Variants in GRAMD2B observed in about 807,000 individuals in gnomAD.
The protein encoded by GRAMD2B is GRAM domain containing 2B, also known as GRAM domain-containing protein 2B.
Under a neutral mutation model 59.2 loss-of-function variants are expected in GRAMD2B, and 41 were observed. The ratio of observed to expected loss-of-function variants is 0.69; its 90% CI spans 0.54 to 0.90. The LOEUF (loss-of-function observed/expected upper bound fraction) is 0.90. GRAMD2B is among the 40% of genes least tolerant of loss of function. The pLI is 0.00. For missense variants in GRAMD2B, 424 were observed against 500.5 expected (o/e 0.85, Z 1.46); for synonymous variants, 161 against 182.7 (o/e 0.88, Z 0.96).
chr5:126,442,352 G>T (rs1250926488), intron 1 of GRAMD2B, among the ~76,000 whole-genome samples: 1 of 148,976 alleles, frequency 6.7e-6, no homozygotes, highest in Non-Finnish European at 1.5e-5. Context: ...GTGTAATGGT[G>T]TGATGTGGGC....
At chr5:126,439,551 C>T (rs1031733346) in intron 1 of GRAMD2B, among the ~76,000 whole-genome samples, 3 of 152,044 alleles carry the variant, frequency 2.0e-5, no homozygotes, top group African/African-American at 7.2e-5. Flanking sequence ...ATCTTGAACT[C>T]CTGACCTCAA....
At chr5:126,464,415 C>G (rs887774716) in intron 1 of GRAMD2B, among the ~76,000 whole-genome samples, 1 of 152,118 alleles carries the variant, frequency 6.6e-6, no homozygotes, top group African/African-American at 2.4e-5. Context: ...ATTTTGTATT[C>G]TTCCTTCAAC....
Position 126,473,256 on chromosome 5 carries a change from T to C in GRAMD2B, c.383-9T>C. Reference sequence around the variant, plus strand: ...CTAAATGATGCTGTGCCTGTGTATATTTTCCCAGGCTTTACCTGTGCTCTA... The same window carrying C: ...CTAAATGATGCTGTGCCTGTGTATACTTTCCCAGGCTTTACCTGTGCTCTA... On this transcript the variant is annotated splice_polypyrimidine_tract_variant and intron_variant, in intron 4 of 13. Coordinates refer to ENST00000285689, the MANE Select transcript of GRAMD2B (RefSeq NM_023927.4). The C allele has an allele frequency of 8.6e-7, 1 of 1,164,558 alleles. No homozygotes were observed. The allele number at this position is 1,164,558 out of a possible 1,614,324, so 72.1% of individuals were successfully genotyped here.
At chr5:126,363,229 C>G (rs1561450006) in intron 1 of GRAMD2B, among the ~76,000 whole-genome samples, 1 of 152,020 alleles carries the variant, frequency 6.6e-6, no homozygotes, top group Non-Finnish European at 1.5e-5. Context: ...TGCTCAGCAT[C>G]ATTAGTCATT....
intron 1 of GRAMD2B, among the ~76,000 whole-genome samples, chr5:126,389,878 G>A (rs1175479521): frequency 6.6e-6 from 1 of 152,106 alleles, no homozygotes; most frequent in African/African-American, 2.4e-5. Flanking sequence ...AACCTGGGAG[G>A]TGGAGGTTGC....
At chr5:126,443,782 G>A (rs1763690583) in intron 1 of GRAMD2B, among the ~76,000 whole-genome samples, 1 of 152,218 alleles carries the variant, frequency 6.6e-6, no homozygotes, top group African/African-American at 2.4e-5. Flanking sequence ...GGGTGCTGTG[G>A]GTCATGCCTG....
Position 126,481,203 on chromosome 5 carries a change from A to AAAAGAAAG in GRAMD2B, c.735+536_735+543dup, listed in dbSNP as rs199869481. On this transcript the variant is annotated intron_variant, in intron 8 of 13. Transcript: ENST00000285689. ...TCAGAATTAACTGTAAAAAAAAAAAAAAAGAAAGAAAGAAAGAAAGAAAGA... is the reference window on the plus strand; with the variant it reads ...TCAGAATTAACTGTAAAAAAAAAAAAAAAGAAAGAAAGAAAGAAAGAAAGAAAGAAAGA... 8.6e-3 allele frequency among the ~76,000 whole-genome samples: 689 copies of AAAAGAAAG among 80,056 alleles called. 10 individuals are homozygous for AAAAGAAAG. The highest frequency in any genetic ancestry group is 0.038 in the African/African-American group (619 of 16,296). 52.5% of individuals were successfully genotyped at this position (80,056 alleles called of 152,430 possible). A position where few individuals can be genotyped will look rare whatever the true frequency, so the allele number is the denominator to read the frequency against.
intron 1 of GRAMD2B, among the ~76,000 whole-genome samples, chr5:126,393,174 C>T (rs1336140176): frequency 6.6e-6 from 1 of 152,108 alleles, no homozygotes; most frequent in Non-Finnish European, 1.5e-5. Flanking sequence ...TCAGCTTCAT[C>T]CCCTTCACTT....
At chr5:126,370,234 A>C (rs1414576170), upstream of GRAMD2B, among the ~76,000 whole-genome samples, 3 of 152,226 alleles carry the variant, frequency 2.0e-5, no homozygotes, top group African/African-American at 7.2e-5. Flanking sequence ...GACTCACTTC[A>C]AAAGTGTTCT....
chr5:126,401,059 G>A (rs773870188), intron 1 of GRAMD2B, among the ~76,000 whole-genome samples: 9 of 151,948 alleles, frequency 5.9e-5, no homozygotes, highest in Non-Finnish European at 8.8e-5. Context: ...AGAGGCTCTC[G>A]TAATGCATAT....
Position 126,469,662 on chromosome 5 carries a change from A to T in GRAMD2B, c.204-15A>T. On this transcript the variant is annotated splice_polypyrimidine_tract_variant and intron_variant, in intron 2 of 13. Transcript: ENST00000285689. ...AAAAATTATCTTATAGACACCCTGGACTTTCTTTCTTTAGGTCAAAATCCA... is the reference window on the plus strand; with the variant it reads ...AAAAATTATCTTATAGACACCCTGGTCTTTCTTTCTTTAGGTCAAAATCCA... 5.1e-6 allele frequency: 8 copies of T among 1,558,128 alleles called. 1 individual carries two copies. Among genetic ancestry groups the T allele is most frequent in the Non-Finnish European group, 4.4e-6 (5 of 1,131,060 alleles).
intron 8 of GRAMD2B, 74 bp downstream of exon 8, chr5:126,480,781 A>G: frequency 7.5e-7 from 1 of 1,331,690 alleles, no homozygotes. Context: ...TGCTTACACC[A>G]TGACCAGGGT....
intron 1 of GRAMD2B, among the ~76,000 whole-genome samples, chr5:126,374,236 G>T (rs1340158004): frequency 6.6e-6 from 1 of 152,226 alleles, no homozygotes; most frequent in Non-Finnish European, 1.5e-5. Context: ...CACTGGAATT[G>T]TCTGATTTTT....
chr5:126,464,973 C>G, intron 1 of GRAMD2B: 1 of 807,298 alleles, frequency 1.2e-6, no homozygotes, highest in Non-Finnish European at 1.5e-6. Flanking sequence ...TAGGGAACTG[C>G]TTGGTTAAAC....
At chr5:126,439,323 T>C (rs919614150) in intron 1 of GRAMD2B, among the ~76,000 whole-genome samples, 18 of 143,356 alleles carry the variant, frequency 1.3e-4, no homozygotes, top group Non-Finnish European at 2.7e-4. Flanking sequence ...TGTTTTTTGG[T>C]TTTGCTTTTT....
chr5:126,368,927 G>A (rs910736686), upstream of GRAMD2B, among the ~76,000 whole-genome samples: 10 of 152,218 alleles, frequency 6.6e-5, no homozygotes, highest in Admixed American at 3.3e-4. Flanking sequence ...CCAAAGCATC[G>A]TGCATATGGC....
chr5:126,424,914 C>T (rs370633763), intron 1 of GRAMD2B, among the ~76,000 whole-genome samples: 61 of 152,348 alleles, frequency 4.0e-4, no homozygotes, highest in African/African-American at 1.4e-3. Flanking sequence ...AGCCAGGATT[C>T]AAGCCCAGGT....
chr5:126,379,269 T>A (rs1240451133), intron 1 of GRAMD2B, among the ~76,000 whole-genome samples: 1 of 152,170 alleles, frequency 6.6e-6, no homozygotes, highest in Non-Finnish European at 1.5e-5. Context: ...TATCCCATGG[T>A]ATATATATAC....
intron 1 of GRAMD2B, among the ~76,000 whole-genome samples, chr5:126,415,949 C>T (rs938338596): frequency 6.6e-6 from 1 of 152,178 alleles, no homozygotes; most frequent in Non-Finnish European, 1.5e-5. Flanking sequence ...AATGATCTGT[C>T]AGTTGCAATG....
Sources: allele counts gnomAD v4.1 joint callset (sites outside exome capture counted in the v4.1 genomes callset), GRCh38; gene constraint gnomAD v4.1.1; transcripts MANE v1.5; gene names NCBI Gene and HGNC (gene_info 2026-07-23, HGNC 2026-07-21).